The following CSMD1 variants were observed in gnomAD, a reference collection of about 807,000 sequenced individuals.
CSMD1 encodes the protein CUB and Sushi multiple domains 1.
Under a neutral mutation model 417.5 loss-of-function variants are expected in CSMD1, and 213 were observed. The observed-to-expected ratio is 0.51, with a 90% confidence interval of 0.46 to 0.57. The LOEUF is 0.57. Among genes scored for constraint, CSMD1 ranks in the 20% least tolerant of loss-of-function variants. CSMD1 has a pLI of 0.00. For synonymous variants in CSMD1, 2,862 were observed against 1,736.8 expected (o/e 1.65, Z -16.11); for missense variants, 6,923 against 4,529.7 (o/e 1.53, Z -15.17).
intron 23 of CSMD1, among the ~76,000 whole-genome samples, chr8:3,331,704 G>C: frequency 6.6e-6 from 1 of 152,158 alleles, no homozygotes; most frequent in Admixed American, 6.5e-5. Flanking sequence ...GACACAGCTG[G>C]CGGTTTCTCT....
chr8:3,528,452 T>G (rs1243207020), intron 10 of CSMD1, among the ~76,000 whole-genome samples: 2 of 152,234 alleles, frequency 1.3e-5, no homozygotes, highest in Non-Finnish European at 1.5e-5. Flanking sequence ...CCTGCTTCTA[T>G]GCCTTGCTTC....
chr8:4,330,989 T>A (rs10866968), intron 3 of CSMD1, among the ~76,000 whole-genome samples: 1 of 152,000 alleles, frequency 6.6e-6, no homozygotes, highest in Non-Finnish European at 1.5e-5. Flanking sequence ...ACAGCCGCCT[T>A]TGTGTTACTG....
chr8:4,352,625 A>C (rs1422285578), intron 3 of CSMD1, among the ~76,000 whole-genome samples: 1 of 152,216 alleles, frequency 6.6e-6, no homozygotes, highest in Non-Finnish European at 1.5e-5. Context: ...GCCCCGAGTG[A>C]CACCGAGGAG....
chr8:3,734,576 TGGC>T (rs1796432005), intron 6 of CSMD1, among the ~76,000 whole-genome samples: 1 of 152,242 alleles, frequency 6.6e-6, no homozygotes, highest in African/African-American at 2.4e-5. Context: ...CTAGGCCTGG[TGGC>T]GGGCACCTAT....
chr8:4,387,711 C>T (rs55716843), intron 3 of CSMD1, among the ~76,000 whole-genome samples: 11,118 of 151,402 alleles, frequency 0.073, 1,181 homozygotes, highest in African/African-American at 0.23. Flanking sequence ...GGCAATAGTA[C>T]TTTATTTTAG....
chr8:4,119,994 T>C (rs1802388882), intron 3 of CSMD1, among the ~76,000 whole-genome samples: 2 of 152,236 alleles, frequency 1.3e-5, no homozygotes, highest in African/African-American at 4.8e-5. Flanking sequence ...TAGTATTTGA[T>C]AGCACAATAG....
At chr8:4,285,455 A>T (rs1441562467) in intron 3 of CSMD1, among the ~76,000 whole-genome samples, 1 of 152,222 alleles carries the variant, frequency 6.6e-6, no homozygotes, top group African/African-American at 2.4e-5. Flanking sequence ...TTAGTTCAGA[A>T]TTATGAAATA....
chr8:4,140,674 AAAT>A (rs1320758599), intron 3 of CSMD1, among the ~76,000 whole-genome samples: 1 of 150,710 alleles, frequency 6.6e-6, no homozygotes, highest in African/African-American at 2.5e-5. Flanking sequence ...TCTCAATTAA[AAAT>A]AATAATAATA....
intron 10 of CSMD1, among the ~76,000 whole-genome samples, chr8:3,572,700 A>C (rs1397999878): frequency 6.6e-6 from 1 of 152,168 alleles, no homozygotes; most frequent in Non-Finnish European, 1.5e-5. Flanking sequence ...TCGCAATGGG[A>C]TACTTCTGGT....
chr8:4,159,102 G>C (rs958386296), intron 3 of CSMD1, among the ~76,000 whole-genome samples: 1 of 152,010 alleles, frequency 6.6e-6, no homozygotes, highest in African/African-American at 2.4e-5. Flanking sequence ...TTTTAGTAGA[G>C]ACGAGGCTTC....
At chr8:4,001,386 G>A (rs758286146) in intron 4 of CSMD1, among the ~76,000 whole-genome samples, 6 of 152,266 alleles carry the variant, frequency 3.9e-5, no homozygotes, top group Non-Finnish European at 5.9e-5. Context: ...ACTGCTGGAA[G>A]GTTCGATGAC....
At chr8:3,936,064 A>G (rs569167221) in intron 5 of CSMD1, among the ~76,000 whole-genome samples, 1 of 152,180 alleles carries the variant, frequency 6.6e-6, no homozygotes, top group Non-Finnish European at 1.5e-5. Flanking sequence ...TCCTGGGTAA[A>G]AGACCAAAGC....
At chr8:4,116,646 T>G (rs1193111174) in intron 3 of CSMD1, among the ~76,000 whole-genome samples, 2 of 150,248 alleles carry the variant, frequency 1.3e-5, no homozygotes, top group Non-Finnish European at 3.0e-5. Flanking sequence ...AACCCTAACG[T>G]AAGCTGTACA....
chr8:3,580,755 A>C (rs965455902), intron 9 of CSMD1, among the ~76,000 whole-genome samples: 6 of 152,168 alleles, frequency 3.9e-5, no homozygotes, highest in Admixed American at 1.3e-4. Context: ...AAATACACAA[A>C]ATATTATCCT....
intron 3 of CSMD1, among the ~76,000 whole-genome samples, chr8:4,069,003 C>G (rs1799404563): frequency 6.6e-6 from 1 of 152,152 alleles, no homozygotes; most frequent in Admixed American, 6.5e-5. Flanking sequence ...GAAAGATAAC[C>G]CAGTAGTTGA....
chr8:3,874,947 T>G (rs1563166745), intron 5 of CSMD1, among the ~76,000 whole-genome samples: 1 of 152,120 alleles, frequency 6.6e-6, no homozygotes, highest in African/African-American at 2.4e-5. Context: ...TGACATTTAA[T>G]CTGAGAGCTT....
intron 1 of CSMD1, among the ~76,000 whole-genome samples, chr8:4,943,388 C>A (rs186034549): frequency 6.6e-6 from 1 of 151,812 alleles, no homozygotes; most frequent in East Asian, 1.9e-4. Context: ...CCCAGTTACT[C>A]GGGAGGCTGA....
chr8:3,013,387 T>A (rs1463090984), intron 52 of CSMD1, among the ~76,000 whole-genome samples: 2 of 152,220 alleles, frequency 1.3e-5, no homozygotes, highest in African/African-American at 4.8e-5. Flanking sequence ...ATCTTTCACC[T>A]GATAGCATTT....
At chr8:4,399,312 T>A (rs970464107) in intron 3 of CSMD1, among the ~76,000 whole-genome samples, 2 of 152,164 alleles carry the variant, frequency 1.3e-5, no homozygotes, top group Non-Finnish European at 2.9e-5. Flanking sequence ...CAATTCTACA[T>A]GTGAAAACAA....
Sources: allele counts gnomAD v4.1 joint callset (sites outside exome capture counted in the v4.1 genomes callset), GRCh38; gene constraint gnomAD v4.1.1; transcripts MANE v1.5; gene names NCBI Gene and HGNC (gene_info 2026-07-23, HGNC 2026-07-21).